The following STX8 variants were observed in gnomAD, a reference collection of about 807,000 sequenced individuals.
STX8 encodes syntaxin-8.
In STX8, 23 loss-of-function variants were observed where a neutral mutation model predicts 37.5. The observed-to-expected ratio is 0.61, with a 90% CI of 0.44 to 0.87. The LOEUF (loss-of-function observed/expected upper bound fraction) is 0.87, where lower values mean the gene tolerates loss of function less well. STX8 is among the 40% of genes least tolerant of loss of function. The pLI, the probability that STX8 is intolerant of heterozygous loss-of-function variation, is 0.00. For missense variants in STX8, 313 were observed against 284.7 expected (o/e 1.10, Z -0.71); for synonymous variants, 115 against 99.1 (o/e 1.16, Z -0.95).
rs561793411 is a variant in STX8 at position 9,325,715 on chromosome 17, G to T, written c.643+52837C>A. Among the ~76,000 whole-genome samples the T allele has an allele frequency of 5.8e-4, 88 of 152,248 alleles. 1 individual carries two copies. Among genetic ancestry groups the T allele is most frequent in the Non-Finnish European group, 1.1e-3 (77 of 68,046 alleles). On this transcript the variant is annotated intron_variant, in intron 7 of 7. Transcript: ENST00000306357. ...TCCCAGTAGACTGGAAGTTTGCAGT[G>T]AACATGTGTTTGCTTTCCAGCTGAA... is the stretch of plus-strand genomic sequence containing the variant.
chr17:9,328,900 A>C (rs1047232297), intron 7 of STX8, among the ~76,000 whole-genome samples: 1 of 151,954 alleles, frequency 6.6e-6, no homozygotes, highest in Non-Finnish European at 1.5e-5. Context: ...AAGTACAAAA[A>C]TTAGCCGGCT....
Position 9,301,207 on chromosome 17 carries a change from A to G in STX8, c.644-50562T>C, listed in dbSNP as rs146943007. Among the ~76,000 whole-genome samples, 17 of 152,214 alleles carry G rather than the reference A, an allele frequency of 1.1e-4. 1 individual carries two copies. Among genetic ancestry groups the G allele is most frequent in the African/African-American group, 4.1e-4 (17 of 41,546 alleles). On this transcript the variant is annotated intron_variant, in intron 7 of 7. Transcript: ENST00000306357. The stretch of plus-strand genomic sequence containing the variant: ...TGATTAGTAATGTTTAGTTTGTGAT[A>G]GTTATTATTTAGCATGATAATACAG...
At chr17:9,372,223 T>C (rs1273191844) in intron 7 of STX8, among the ~76,000 whole-genome samples, 2 of 152,102 alleles carry the variant, frequency 1.3e-5, no homozygotes, top group African/African-American at 2.4e-5. Flanking sequence ...TTCCCTCCCG[T>C]CTTTTTCTTC....
In STX8 at chr17:9,559,864, C is replaced by T. The variant is rs558123635; in HGVS notation, c.118-2336G>A. Among the ~76,000 whole-genome samples the T allele has an allele frequency of 1.5e-3, 204 of 140,222 alleles. 3 individuals are homozygous for T. Among genetic ancestry groups the T allele is most frequent in the Non-Finnish European group, 2.3e-3 (149 of 66,128 alleles). 92.0% of individuals were successfully genotyped at this position (140,222 alleles called of 152,430 possible). ...TACAACCTCCGCCTCCCGTTTTAAGCGAGTCTCCTGCCTCAGCCTCCTGAG... is the reference window on the plus strand; with the variant it reads ...TACAACCTCCGCCTCCCGTTTTAAGTGAGTCTCCTGCCTCAGCCTCCTGAG... On this transcript the variant is annotated intron_variant, in intron 2 of 7. Coordinates refer to ENST00000306357, the MANE Select transcript of STX8 (RefSeq NM_004853.3).
chr17:9,520,706 A>G (rs1407696962), intron 4 of STX8, among the ~76,000 whole-genome samples: 1 of 152,184 alleles, frequency 6.6e-6, no homozygotes, highest in East Asian at 1.9e-4. Context: ...TGCACAGACA[A>G]TCCATGTCTT....
At chr17:9,502,574 T>C (rs1424048666) in intron 5 of STX8, among the ~76,000 whole-genome samples, 1 of 152,208 alleles carries the variant, frequency 6.6e-6, no homozygotes, top group African/African-American at 2.4e-5. Context: ...AAATTAAAAA[T>C]TGTTTTAAAT....
At chr17:9,572,259 A>G (rs919823213) in intron 1 of STX8, among the ~76,000 whole-genome samples, 14 of 152,218 alleles carry the variant, frequency 9.2e-5, no homozygotes, top group African/African-American at 3.4e-4. Context: ...TCTGTTAAAC[A>G]GCGAGCTTAC....
intron 6 of STX8, among the ~76,000 whole-genome samples, chr17:9,399,569 C>T (rs1021951460): frequency 1.3e-5 from 2 of 151,886 alleles, no homozygotes; most frequent in African/African-American, 4.8e-5. Flanking sequence ...TTGCTTTGTT[C>T]GAAAGATGAG....
At chr17:9,381,532 T>C (rs1227374593) in intron 6 of STX8, among the ~76,000 whole-genome samples, 1 of 152,244 alleles carries the variant, frequency 6.6e-6, no homozygotes, top group Non-Finnish European at 1.5e-5. Context: ...AAACCTCTTA[T>C]TTATAGACCG....
At chr17:9,359,081 T>TGC (rs1156502813) in intron 7 of STX8, among the ~76,000 whole-genome samples, 1 of 151,874 alleles carries the variant, frequency 6.6e-6, no homozygotes, top group African/African-American at 2.4e-5. Flanking sequence ...TTGCTCTTGT[T>TGC]GCCCAGGCTG....
intron 6 of STX8, among the ~76,000 whole-genome samples, chr17:9,415,341 T>C (rs894239302): frequency 6.6e-6 from 1 of 152,166 alleles, no homozygotes; most frequent in Non-Finnish European, 1.5e-5. Flanking sequence ...CCTAGTTTTC[T>C]CCTGTGTTAG....
In STX8 at chr17:9,543,584, C is replaced by T. The variant is rs144247653; in HGVS notation, c.323+1588G>A. Among the ~76,000 whole-genome samples, 1,183 of 152,246 alleles carry T rather than the reference C, an allele frequency of 7.8e-3. 9 individuals are homozygous for T. Among genetic ancestry groups the T allele is most frequent in the South Asian group, 0.011 (54 of 4,826 alleles). On this transcript the variant is annotated intron_variant, in intron 4 of 7. Coordinates refer to ENST00000306357, the MANE Select transcript of STX8 (RefSeq NM_004853.3). ...CCTCCCAAAGTGCTAGGCTTACAGG[C>T]GTGAGCCACTGCACCCAGGCGACAG...
At chr17:9,388,817 A>G (rs979199857) in intron 6 of STX8, among the ~76,000 whole-genome samples, 9 of 151,796 alleles carry the variant, frequency 5.9e-5, no homozygotes, top group Non-Finnish European at 1.0e-4. Context: ...AAAAAGAAAA[A>G]AAAAAAAAAA....
At chr17:9,537,053 C>T (rs1274142076) in intron 4 of STX8, among the ~76,000 whole-genome samples, 5 of 152,104 alleles carry the variant, frequency 3.3e-5, no homozygotes, top group South Asian at 4.1e-4. Flanking sequence ...CAGCCAAGAA[C>T]GGGCATTATA....
intron 7 of STX8, among the ~76,000 whole-genome samples, chr17:9,355,665 A>G (rs1331739608): frequency 6.6e-6 from 1 of 150,676 alleles, no homozygotes; most frequent in Non-Finnish European, 1.5e-5. Flanking sequence ...GCGCTCCACC[A>G]CTCCTGGCTA....
rs553457533 is a variant in STX8, at chr17:9,253,920, C to T, written c.644-3275G>A. ...CTGGTTTTGGTTCATACACCCGGAG[C>T]GTGAGGTCCAAGGGAAGAGGCCTCA... is the stretch of plus-strand genomic sequence containing the variant. On this transcript the variant is annotated intron_variant, in intron 7 of 7. Coordinates refer to ENST00000306357, the MANE Select transcript of STX8 (RefSeq NM_004853.3). Among the ~76,000 whole-genome samples the T allele has an allele frequency of 4.2e-4, 64 of 152,296 alleles. 2 individuals carry two copies. The highest frequency in any genetic ancestry group is 1.2e-3 in the African/African-American group (49 of 41,566).
intron 7 of STX8, among the ~76,000 whole-genome samples, chr17:9,319,235 C>T (rs1297620943): frequency 3.3e-5 from 5 of 151,912 alleles, no homozygotes; most frequent in Non-Finnish European, 5.9e-5. Context: ...CTGGCTAACA[C>T]AGTGAAACCC....
At chr17:9,452,808 T>C (rs1445860940) in intron 6 of STX8, among the ~76,000 whole-genome samples, 1 of 136,980 alleles carries the variant, frequency 7.3e-6, no homozygotes, top group Non-Finnish European at 1.5e-5. Flanking sequence ...CCCTTGTTTT[T>C]TTTTCTTTTT....
intron 5 of STX8, 42 bp from the exon 6 acceptor site, chr17:9,491,963 A>G (rs1597705501): frequency 6.8e-7 from 1 of 1,462,114 alleles, no homozygotes; most frequent in Non-Finnish European, 9.5e-7. Flanking sequence ...AACTAGAAGA[A>G]AACAACTTAA....
Sources: allele counts gnomAD v4.1 joint callset (sites outside exome capture counted in the v4.1 genomes callset), GRCh38; gene constraint gnomAD v4.1.1; transcripts MANE v1.5; gene names NCBI Gene and HGNC (gene_info 2026-07-23, HGNC 2026-07-21).